Variants in NRXN1 observed in about 807,000 individuals in gnomAD.
The protein encoded by NRXN1 is neurexin 1.
Under a neutral mutation model 150.9 loss-of-function variants are expected in NRXN1, and 39 were observed. The observed-to-expected ratio is 0.26, with a 90% confidence interval of 0.20 to 0.34. NRXN1 has a LOEUF of 0.34. NRXN1 is among the 10% of genes least tolerant of loss of function. The pLI, the probability that NRXN1 is intolerant of heterozygous loss-of-function variation, is 1.00. For missense variants in NRXN1, 1,815 were observed against 1,949.9 expected (o/e 0.93, Z 1.30); for synonymous variants, 924 against 757.0 (o/e 1.22, Z -3.62).
intron 5 of NRXN1, among the ~76,000 whole-genome samples, chr2:50,648,951 A>G (rs1341568879): frequency 6.6e-6 from 1 of 151,910 alleles, no homozygotes; most frequent in East Asian, 1.9e-4. Flanking sequence ...ATCCATGTAA[A>G]TCCTTAAAAT....
intron 18 of NRXN1, among the ~76,000 whole-genome samples, chr2:50,134,869 T>C (rs777595528): frequency 1.3e-5 from 2 of 152,216 alleles, no homozygotes; most frequent in African/African-American, 2.4e-5. Flanking sequence ...GCACGGCTGA[T>C]ATATACCTGG....
chr2:50,790,604 A>G (rs1490966862), intron 5 of NRXN1, among the ~76,000 whole-genome samples: 1 of 152,194 alleles, frequency 6.6e-6, no homozygotes, highest in African/African-American at 2.4e-5. Context: ...CCTCTGAGAA[A>G]ACACACCTGC....
At chr2:50,619,250 A>T (rs1326523108) in intron 8 of NRXN1, 1 of 152,194 alleles carries the variant, frequency 6.6e-6, no homozygotes, top group African/African-American at 2.4e-5. Context: ...TGTAAGAGGA[A>T]CCTCTGGTTC....
chr2:50,554,357 A>T (rs1179003745), intron 8 of NRXN1: 1 of 152,120 alleles, frequency 6.6e-6, no homozygotes, highest in African/African-American at 2.4e-5. Context: ...GAGTTTCCTG[A>T]TAGGATTTGT....
chr2:50,607,074 C>T (rs187569327), intron 8 of NRXN1, among the ~76,000 whole-genome samples: 30 of 152,060 alleles, frequency 2.0e-4, no homozygotes, highest in Admixed American at 1.4e-3. Context: ...GAACAAATAG[C>T]CTCCAAACAC....
chr2:50,551,103 A>G lies in NRXN1; in HGVS notation c.1759+1484T>C, dbSNP rs1349396347. On this transcript the variant is annotated intron_variant, in intron 9 of 22. Transcript: ENST00000401669. Reference sequence around the variant, plus strand: ...GAGGAGGAGGAGGAGGAGGAGGAGGAGGGAGGGGGAGGGGGAGGGGGAGGG... The same window carrying G: ...GAGGAGGAGGAGGAGGAGGAGGAGGGGGGAGGGGGAGGGGGAGGGGGAGGG... Among the ~76,000 whole-genome samples, 6 of 64,964 alleles carry G rather than the reference A, an allele frequency of 9.2e-5. No individual in the cohort carries two copies. In the Admixed American group the frequency reaches 1.0e-3, roughly 11 times the overall value. 42.6% of individuals were successfully genotyped at this position (64,964 alleles called of 152,430 possible).
intron 19 of NRXN1, among the ~76,000 whole-genome samples, chr2:50,081,564 A>G (rs1209501806): frequency 6.6e-6 from 1 of 152,230 alleles, no homozygotes; most frequent in Non-Finnish European, 1.5e-5. Flanking sequence ...AAACAAAACA[A>G]AACAACTTAT....
chr2:51,008,671 G>T (rs1245449325), intron 2 of NRXN1, among the ~76,000 whole-genome samples: 2 of 151,584 alleles, frequency 1.3e-5, no homozygotes, highest in Non-Finnish European at 2.9e-5. Flanking sequence ...TATACTCAAA[G>T]ATACTAAAAG....
At chr2:50,876,378 T>C (rs562356873) in intron 5 of NRXN1, among the ~76,000 whole-genome samples, 34 of 151,976 alleles carry the variant, frequency 2.2e-4, no homozygotes, top group East Asian at 7.8e-4. Flanking sequence ...CTGGGGACTA[T>C]TGAAATATTT....
At chr2:50,497,004 C>T (rs1045922097) in intron 14 of NRXN1, among the ~76,000 whole-genome samples, 1 of 152,118 alleles carries the variant, frequency 6.6e-6, no homozygotes, top group African/African-American at 2.4e-5. Context: ...ATCCTACAAA[C>T]CTGTATCAAT....
At chr2:49,933,557 T>G (rs1054392215) in intron 22 of NRXN1, among the ~76,000 whole-genome samples, 1 of 152,202 alleles carries the variant, frequency 6.6e-6, no homozygotes. Flanking sequence ...GGTTCTAGTC[T>G]AGGTCCTGTC....
At chr2:50,689,382 T>G (rs575877511) in intron 5 of NRXN1, among the ~76,000 whole-genome samples, 26 of 152,232 alleles carry the variant, frequency 1.7e-4, no homozygotes, top group African/African-American at 6.3e-4. Context: ...AAGATTTCAA[T>G]TATCACCACT....
intron 17 of NRXN1, among the ~76,000 whole-genome samples, chr2:50,369,941 A>C (rs2079891845): frequency 6.6e-6 from 1 of 152,024 alleles, no homozygotes; most frequent in African/African-American, 2.4e-5. Context: ...GAAAGGCCAA[A>C]AGGAAAATAT....
intron 8 of NRXN1, among the ~76,000 whole-genome samples, chr2:50,598,809 G>A (rs1443210584): frequency 2.0e-5 from 3 of 151,136 alleles, no homozygotes; most frequent in Non-Finnish European, 4.4e-5. Context: ...CCAGGCTGGA[G>A]TGCAGTGCTG....
At chr2:50,339,757 C>G (rs1381345125) in intron 17 of NRXN1, among the ~76,000 whole-genome samples, 3 of 151,808 alleles carry the variant, frequency 2.0e-5, no homozygotes, top group Non-Finnish European at 4.4e-5. Flanking sequence ...ATTAATCCAT[C>G]TCCATCTTCC....
At chr2:50,380,220 T>C (rs1029629453) in intron 17 of NRXN1, among the ~76,000 whole-genome samples, 8 of 152,086 alleles carry the variant, frequency 5.3e-5, no homozygotes, top group Admixed American at 3.9e-4. Context: ...GTTTGGGTAC[T>C]GTGTGCAAAT....
intron 5 of NRXN1, among the ~76,000 whole-genome samples, chr2:50,759,028 C>T (rs532809981): frequency 6.6e-6 from 1 of 151,900 alleles, no homozygotes; most frequent in Non-Finnish European, 1.5e-5. Flanking sequence ...GGATTATCTT[C>T]AAACCAATAA....
intron 17 of NRXN1, among the ~76,000 whole-genome samples, chr2:50,294,410 TTC>T (rs1278579852): frequency 2.0e-5 from 3 of 152,228 alleles, no homozygotes; most frequent in African/African-American, 7.2e-5. Context: ...ATACTTTGTA[TTC>T]TGTTATAAAA....
intron 18 of NRXN1, among the ~76,000 whole-genome samples, chr2:50,178,157 G>A (rs892735035): frequency 1.3e-5 from 2 of 152,026 alleles, no homozygotes; most frequent in African/African-American, 4.8e-5. Flanking sequence ...AAAATTAAAT[G>A]ATCTAAGTTA....
Sources: allele counts gnomAD v4.1 joint callset (sites outside exome capture counted in the v4.1 genomes callset), GRCh38; gene constraint gnomAD v4.1.1; transcripts MANE v1.5; gene names NCBI Gene and HGNC (gene_info 2026-07-23, HGNC 2026-07-21).